ENTREP2: variants seen among roughly 807,000 people sequenced by gnomAD.
The protein encoded by ENTREP2 is endosomal transmembrane epsin interactor 2, also known as protein ENTREP2.
At chr15:29,585,037 G>C in the ENTREP2 span, among the ~76,000 whole-genome samples, 2 of 147,012 alleles carry the variant, frequency 1.4e-5, no homozygotes, top group Non-Finnish European at 2.9e-5. Context: ...ATAGATGATG[G>C]ATAGAATGAT....
chr15:29,531,036 C>T, the ENTREP2 span, among the ~76,000 whole-genome samples: 2 of 152,206 alleles, frequency 1.3e-5, no homozygotes. Context: ...CACCTGCCTG[C>T]ATTCTTCCCC....
At chr15:29,599,548 CT>C in the ENTREP2 span, among the ~76,000 whole-genome samples, 1 of 152,228 alleles carries the variant, frequency 6.6e-6, no homozygotes, top group African/African-American at 2.4e-5. Context: ...AACACCAGTG[CT>C]TCCTTGGACA....
chr15:29,565,390 C>A, the ENTREP2 span, among the ~76,000 whole-genome samples: 3 of 150,826 alleles, frequency 2.0e-5, no homozygotes, highest in African/African-American at 7.3e-5. Flanking sequence ...GGGAATCTAT[C>A]CTCAAAAAAA....
chr15:29,351,849 A>T, the ENTREP2 span, among the ~76,000 whole-genome samples: 1 of 151,488 alleles, frequency 6.6e-6, no homozygotes, highest in Non-Finnish European at 1.5e-5. Flanking sequence ...AGGGGGTTTC[A>T]CTTTGTTGCC....
chr15:29,197,145 A>C, the ENTREP2 span, among the ~76,000 whole-genome samples: 1 of 152,268 alleles, frequency 6.6e-6, no homozygotes, highest in Non-Finnish European at 1.5e-5. Context: ...ATGAATAAAA[A>C]CGGCTTGGAA....
At chr15:29,664,094 A>T in the ENTREP2 span, among the ~76,000 whole-genome samples, 1 of 151,842 alleles carries the variant, frequency 6.6e-6, no homozygotes, top group Admixed American at 6.6e-5. Context: ...TGCTCCCAGC[A>T]TATATTACAA....
chr15:29,450,929 C>A, the ENTREP2 span, among the ~76,000 whole-genome samples: 1 of 151,440 alleles, frequency 6.6e-6, no homozygotes. Context: ...AAGAGGGGAA[C>A]AACAGACTCT....
At chr15:29,249,933 C>A in the ENTREP2 span, among the ~76,000 whole-genome samples, 1 of 152,044 alleles carries the variant, frequency 6.6e-6, no homozygotes, top group Non-Finnish European at 1.5e-5. Context: ...AGGTGCCACA[C>A]ACTTTAAACA....
At chr15:29,659,454 G>A in the ENTREP2 span, among the ~76,000 whole-genome samples, 1 of 152,124 alleles carries the variant, frequency 6.6e-6, no homozygotes, top group Non-Finnish European at 1.5e-5. Context: ...CTAGGAGACA[G>A]TGCGAGACTC....
At chr15:29,269,325 G>T in the ENTREP2 span, 2 of 1,614,100 alleles carry the variant, frequency 1.2e-6, no homozygotes, top group Non-Finnish European at 1.7e-6. Context: ...CGGCCCGTTT[G>T]AAGAGGTCGG....
At chr15:29,346,493 T>TGA in the ENTREP2 span, among the ~76,000 whole-genome samples, 42,773 of 151,974 alleles carry the variant, frequency 0.28, 7,596 homozygotes, top group African/African-American at 0.5. Flanking sequence ...CTGTGGTCAG[T>TGA]GTAGAGCCTC....
chr15:29,587,312 G>A, the ENTREP2 span, among the ~76,000 whole-genome samples: 1 of 151,998 alleles, frequency 6.6e-6, no homozygotes, highest in Non-Finnish European at 1.5e-5. Flanking sequence ...AGAAATGGCT[G>A]AGCTGAAGTT....
the ENTREP2 span, among the ~76,000 whole-genome samples, chr15:29,338,102 A>G: frequency 6.6e-6 from 1 of 152,094 alleles, no homozygotes; most frequent in Non-Finnish European, 1.5e-5. Flanking sequence ...CAGTGCCTGC[A>G]GACAGGAGAC....
chr15:29,516,153 G>C, the ENTREP2 span, among the ~76,000 whole-genome samples: 1 of 152,048 alleles, frequency 6.6e-6, no homozygotes, highest in Non-Finnish European at 1.5e-5. Flanking sequence ...ATTGCACTTA[G>C]GGGATGGGAC....
At chr15:29,416,186 C>CA in the ENTREP2 span, among the ~76,000 whole-genome samples, 1 of 152,134 alleles carries the variant, frequency 6.6e-6, no homozygotes, top group African/African-American at 2.4e-5. Context: ...CCTGCATTGC[C>CA]AAGTCAATCC....
At chr15:29,509,220 A>T in the ENTREP2 span, among the ~76,000 whole-genome samples, 1 of 152,186 alleles carries the variant, frequency 6.6e-6, no homozygotes, top group Admixed American at 6.5e-5. Flanking sequence ...CTTCAAGGAG[A>T]ACTACAAACC....
the ENTREP2 span, among the ~76,000 whole-genome samples, chr15:29,153,795 G>T: frequency 2.6e-5 from 4 of 152,106 alleles, no homozygotes; most frequent in African/African-American, 9.7e-5. Flanking sequence ...TTCATAGTTT[G>T]CATTTAAGTC....
the ENTREP2 span, among the ~76,000 whole-genome samples, chr15:29,243,438 C>T: frequency 6.6e-6 from 1 of 152,078 alleles, no homozygotes; most frequent in African/African-American, 2.4e-5. Context: ...ATGAAAATTA[C>T]AAACCAAGTG....
the ENTREP2 span, among the ~76,000 whole-genome samples, chr15:29,368,560 G>T: frequency 1.3e-5 from 2 of 151,896 alleles, no homozygotes; most frequent in Non-Finnish European, 2.9e-5. Flanking sequence ...AAATATTAAT[G>T]AAGAGATAGA....
Sources: gnomAD v4.1 joint callset for allele counts (sites outside exome capture counted in the v4.1 genomes callset) on GRCh38, gnomAD v4.1.1 for gene constraint, MANE v1.5 for transcripts, NCBI Gene and HGNC (gene_info 2026-07-23, HGNC 2026-07-21) for gene names.